MTHFD2L: variants seen among roughly 807,000 people sequenced by gnomAD.
The protein encoded by MTHFD2L is bifunctional methylenetetrahydrofolate dehydrogenase/cyclohydrolase 2, mitochondrial.
Under a neutral mutation model 34.9 loss-of-function variants are expected in MTHFD2L, and 29 were observed. The ratio of observed to expected loss-of-function variants is 0.83; its 90% CI spans 0.62 to 1.13. MTHFD2L has a LOEUF of 1.13. Ranked by LOEUF, MTHFD2L falls within the 50% of genes most tolerant of loss-of-function variation. The pLI is 0.00. For missense variants in MTHFD2L, 481 were observed against 446.5 expected, an observed-to-expected ratio of 1.08 and a Z score of -0.70; for synonymous variants, 167 against 155.7, an observed-to-expected ratio of 1.07 and a Z score of -0.54.
chr4:74,296,404 T>C (rs1336059191), intron 7 of MTHFD2L, among the ~76,000 whole-genome samples: 1 of 152,264 alleles, frequency 6.6e-6, no homozygotes, highest in Admixed American at 6.6e-5. Flanking sequence ...TTTGTCCCCA[T>C]GTGTACATCC....
chr4:74,216,834 C>A (rs7681763), intron 5 of MTHFD2L, among the ~76,000 whole-genome samples: 98,380 of 151,522 alleles, frequency 0.65, 34,325 homozygotes, highest in Middle Eastern at 0.8. Flanking sequence ...CTAGTTAAGA[C>A]AACTTCTATT....
rs187451229 is a variant in MTHFD2L at position 74,246,495 on chromosome 4, T to A, written c.805+21101T>A. Among the ~76,000 whole-genome samples, 390 of 152,316 alleles carry A rather than the reference T, an allele frequency of 2.6e-3. 2 individuals are homozygous for A. The highest frequency in any genetic ancestry group is 0.014 in the Middle Eastern group (4 of 294). ...CTCTTTAGTTTAATTAGATCCCATT[T>A]GTCAATTTTAGCTTTTTTTGCCAAT... On this transcript the variant is annotated intron_variant, in intron 6 of 7. Coordinates refer to ENST00000325278, the MANE Select transcript of MTHFD2L (RefSeq NM_001144978.3).
chr4:74,126,113 C>T (rs1484046713), intron 1 of MTHFD2L, among the ~76,000 whole-genome samples: 1 of 152,090 alleles, frequency 6.6e-6, no homozygotes, highest in Non-Finnish European at 1.5e-5. Context: ...AACTAATGAC[C>T]CACTAAAGCA....
At chr4:74,140,957 C>T (rs1578246205) in intron 1 of MTHFD2L, among the ~76,000 whole-genome samples, 2 of 152,328 alleles carry the variant, frequency 1.3e-5, no homozygotes, top group African/African-American at 2.4e-5. Context: ...AGCCAAACCA[C>T]ATCAGGCATG....
At chr4:74,194,069 T>TA (rs1437975887) in intron 3 of MTHFD2L, 3 of 152,272 alleles carry the variant, frequency 2.0e-5, no homozygotes, top group Non-Finnish European at 4.4e-5. Flanking sequence ...ATTGGGGACT[T>TA]AAAGATTTGC....
intron 1 of MTHFD2L, among the ~76,000 whole-genome samples, chr4:74,125,689 C>T (rs985743719): frequency 5.9e-5 from 9 of 151,592 alleles, no homozygotes; most frequent in African/African-American, 2.2e-4. Context: ...AAAATGCTAG[C>T]GATAGTAATT....
At chr4:74,132,842 G>A (rs1021238617) in intron 1 of MTHFD2L, among the ~76,000 whole-genome samples, 1 of 152,056 alleles carries the variant, frequency 6.6e-6, no homozygotes, top group Non-Finnish European at 1.5e-5. Context: ...TTTTGAACAG[G>A]TTGTTGTCGC....
chr4:74,284,744 A>T (rs1747941159), intron 7 of MTHFD2L, among the ~76,000 whole-genome samples: 1 of 152,238 alleles, frequency 6.6e-6, no homozygotes, highest in South Asian at 2.1e-4. Flanking sequence ...ACACGGTGGG[A>T]CTGTAAACTA....
upstream of MTHFD2L, chr4:74,156,610 T>G (rs985027298): frequency 2.0e-5 from 3 of 152,196 alleles, no homozygotes; most frequent in African/African-American, 7.2e-5. Context: ...AAATGATATT[T>G]AGCTTTGTAA....
chr4:74,118,836 C>T (rs1440454349), upstream of MTHFD2L, among the ~76,000 whole-genome samples: 1 of 152,190 alleles, frequency 6.6e-6, no homozygotes, highest in Non-Finnish European at 1.5e-5. Context: ...AGCTCTGCCT[C>T]CTGTCGGATC....
intron 6 of MTHFD2L, among the ~76,000 whole-genome samples, chr4:74,240,040 C>T (rs1365735522): frequency 2.6e-5 from 4 of 152,096 alleles, no homozygotes; most frequent in African/African-American, 9.7e-5. Flanking sequence ...GAGTAACATA[C>T]ATTCTTGTAG....
chr4:74,267,961 A>G, intron 6 of MTHFD2L: 1 of 985,346 alleles, frequency 1.0e-6, no homozygotes, highest in Non-Finnish European at 1.2e-6. Context: ...TACCACAAGG[A>G]ATAGAAGCTT....
chr4:74,241,096 A>G (rs1402124428), intron 6 of MTHFD2L, among the ~76,000 whole-genome samples: 3 of 152,162 alleles, frequency 2.0e-5, no homozygotes, highest in African/African-American at 4.8e-5. Flanking sequence ...CTAGTTCTTA[A>G]TTAGCGCCAA....
At chr4:74,165,747 A>G (rs1321004384) in intron 1 of MTHFD2L, among the ~76,000 whole-genome samples, 1 of 152,228 alleles carries the variant, frequency 6.6e-6, no homozygotes, top group Non-Finnish European at 1.5e-5. Flanking sequence ...TTTAGTTTTA[A>G]AGGTACTGTC....
At chr4:74,240,671 A>G (rs540814146) in intron 6 of MTHFD2L, among the ~76,000 whole-genome samples, 1 of 152,310 alleles carries the variant, frequency 6.6e-6, no homozygotes, top group Non-Finnish European at 1.5e-5. Flanking sequence ...AGATAAATAT[A>G]TATTCCTTTT....
upstream of MTHFD2L, among the ~76,000 whole-genome samples, chr4:74,119,399 T>C (rs1424734481): frequency 6.6e-6 from 1 of 152,186 alleles, no homozygotes; most frequent in South Asian, 2.1e-4. Flanking sequence ...AAAACAATCA[T>C]CACTGGAGAG....
At chr4:74,116,140 T>A (rs1721652192) in intron 2 of MTHFD2L, among the ~76,000 whole-genome samples, 1 of 152,208 alleles carries the variant, frequency 6.6e-6, no homozygotes, top group East Asian at 1.9e-4. Context: ...GTCTCTTCCA[T>A]ACCTGCATCA....
chr4:74,224,178 A>C (rs911485470), intron 5 of MTHFD2L: 10 of 152,112 alleles, frequency 6.6e-5, no homozygotes, highest in African/African-American at 1.9e-4. Flanking sequence ...TCTAAACTAT[A>C]CTGGGTCCCG....
chr4:74,294,348 A>T (rs1352532840), intron 7 of MTHFD2L, among the ~76,000 whole-genome samples: 1 of 152,154 alleles, frequency 6.6e-6, no homozygotes. Context: ...ATTAGAGAGT[A>T]TTCCAACAAA....
Sources: allele counts gnomAD v4.1 joint callset (sites outside exome capture counted in the v4.1 genomes callset), GRCh38; gene constraint gnomAD v4.1.1; transcripts MANE v1.5; gene names NCBI Gene and HGNC (gene_info 2026-07-23, HGNC 2026-07-21).